TPRG1: variants seen among roughly 807,000 people sequenced by gnomAD.
TPRG1 encodes the protein tumor protein p63 regulated 1, also known as tumor protein p63-regulated gene 1 protein.
In TPRG1, 29 loss-of-function variants were observed where a neutral mutation model predicts 29.3. The ratio of observed to expected loss-of-function variants is 0.99; its 90% CI spans 0.74 to 1.35. The LOEUF (loss-of-function observed/expected upper bound fraction) is 1.35. TPRG1 is among the 40% of genes most tolerant of loss of function. TPRG1 has a pLI of 0.00. For synonymous variants in TPRG1, 130 were observed against 116.8 expected (o/e 1.11, Z -0.73); for missense variants, 327 against 335.0 (o/e 0.98, Z 0.19).
intron 4 of TPRG1, among the ~76,000 whole-genome samples, chr3:189,066,203 G>A (rs908427603): frequency 2.0e-5 from 3 of 152,040 alleles, no homozygotes; most frequent in African/African-American, 7.2e-5. Flanking sequence ...GAAACCCTGG[G>A]ACCCAATTGC....
rs112594506 is a variant in TPRG1 at position 189,315,425 on chromosome 3, C to G, written c.633+4886C>G. The stretch of plus-strand genomic sequence containing the variant: ...CTCAATTATCCTCAATTATTTCATC[C>G]ACTTTGTATTTGCAACTTATAGCCT... On this transcript the variant is annotated intron_variant, in intron 5 of 5. Coordinates refer to ENST00000345063, the MANE Select transcript of TPRG1 (RefSeq NM_198485.4). The G allele has an allele frequency of 7.1e-4, 308 of 436,168 alleles. 1 individual carries two copies. Among genetic ancestry groups the G allele is most frequent in the African/African-American group, 4.8e-3 (237 of 48,870 alleles). The allele number at this position is 436,168 out of a possible 1,614,324, so 27.0% of individuals were successfully genotyped here.
intron 4 of TPRG1, among the ~76,000 whole-genome samples, chr3:189,041,709 A>G (rs1413273073): frequency 6.6e-6 from 1 of 152,068 alleles, no homozygotes. Flanking sequence ...AGAGAATGTG[A>G]TTTCTTTTTG....
chr3:189,299,408 ACT>A (rs1720480872), intron 4 of TPRG1, among the ~76,000 whole-genome samples: 1 of 151,916 alleles, frequency 6.6e-6, no homozygotes, highest in Non-Finnish European at 1.5e-5. Flanking sequence ...CAAACGTATA[ACT>A]CTTTCTATCC....
chr3:189,023,889 G>A (rs1319438490), exon 4 of TPRG1: 1 of 152,298 alleles, frequency 6.6e-6, no homozygotes, highest in Non-Finnish European at 1.5e-5. Context: ...TCCTAGGGGT[G>A]TACAGAACTG....
intron 1 of TPRG1, among the ~76,000 whole-genome samples, chr3:189,110,433 C>G (rs1482588988): frequency 2.0e-5 from 3 of 151,902 alleles, no homozygotes; most frequent in Non-Finnish European, 4.4e-5. Context: ...TTTTTCTATT[C>G]TGGTTACAAG....
chr3:189,238,653 G>A, intron 3 of TPRG1, 80 bp from the exon 4 acceptor site: 1 of 1,249,130 alleles, frequency 8.0e-7, no homozygotes, highest in Non-Finnish European at 1.1e-6. Context: ...ACTGTTTTCT[G>A]TGCTAGGAGA....
At chr3:189,302,416 CTTAAA>C (rs1338339213) in intron 4 of TPRG1, among the ~76,000 whole-genome samples, 1 of 152,152 alleles carries the variant, frequency 6.6e-6, no homozygotes, top group Non-Finnish European at 1.5e-5. Flanking sequence ...AATGTTCCCA[CTTAAA>C]TTAATTATTC....
At chr3:189,020,394 C>G (rs1359529883) in intron 3 of TPRG1, among the ~76,000 whole-genome samples, 1 of 152,036 alleles carries the variant, frequency 6.6e-6, no homozygotes, top group Non-Finnish European at 1.5e-5. Context: ...CCTCTACACA[C>G]TGCTTGAATG....
chr3:189,116,558 C>T lies in TPRG1; in HGVS notation c.-743-10499C>T, dbSNP rs150108540. 5.6e-4 allele frequency among the ~76,000 whole-genome samples: 85 copies of T among 152,212 alleles called. No homozygotes were observed. In the East Asian group the frequency reaches 0.014, roughly 25 times the overall value. On this transcript the variant is annotated intron_variant, in intron 1 of 6. Coordinates refer to the TPRG1 transcript ENST00000412373. ...GTAGAAGTAATCCAGTGTTCATTGA[C>T]AGATAAACAATATGTAGTATGCATG...
At chr3:189,266,990 G>T (rs1232939555) in intron 4 of TPRG1, among the ~76,000 whole-genome samples, 1 of 152,012 alleles carries the variant, frequency 6.6e-6, no homozygotes, top group Non-Finnish European at 1.5e-5. Context: ...GAGGACAATG[G>T]TCTAGTTGTC....
At chr3:189,021,856 C>G in intron 3 of TPRG1, among the ~76,000 whole-genome samples, 1 of 152,184 alleles carries the variant, frequency 6.6e-6, no homozygotes, top group Non-Finnish European at 1.5e-5. Flanking sequence ...CTCCCCATCA[C>G]TTTCAGGTAC....
chr3:189,187,651 G>A (rs533567471), intron 1 of TPRG1, among the ~76,000 whole-genome samples: 72 of 151,510 alleles, frequency 4.8e-4, no homozygotes, highest in African/African-American at 1.7e-3. Flanking sequence ...TAAGATGTGT[G>A]GATCTACTTG....
At chr3:189,018,641 G>A (rs1227683976) in intron 3 of TPRG1, among the ~76,000 whole-genome samples, 1 of 150,604 alleles carries the variant, frequency 6.6e-6, no homozygotes, top group Non-Finnish European at 1.5e-5. Context: ...TAGCCTTGTA[G>A]TATAGTTTGA....
At chr3:189,290,272 T>G (rs1355660803) in intron 4 of TPRG1, among the ~76,000 whole-genome samples, 2 of 152,222 alleles carry the variant, frequency 1.3e-5, no homozygotes, top group African/African-American at 2.4e-5. Flanking sequence ...CCCATATATG[T>G]CCCATCCTTC....
intron 4 of TPRG1, among the ~76,000 whole-genome samples, chr3:189,253,504 T>A (rs535709963): frequency 6.6e-6 from 1 of 152,342 alleles, no homozygotes; most frequent in Non-Finnish European, 1.5e-5. Flanking sequence ...CTGTCATTGA[T>A]GGGCATTTGG....
chr3:189,147,667 C>T (rs1348208804), intron 4 of TPRG1: 1 of 152,218 alleles, frequency 6.6e-6, no homozygotes, highest in Non-Finnish European at 1.5e-5. Context: ...CTAGGGCGTA[C>T]CTCTAAGTTC....
chr3:189,019,545 C>G (rs1301996448), intron 3 of TPRG1, among the ~76,000 whole-genome samples: 1 of 152,130 alleles, frequency 6.6e-6, no homozygotes, highest in African/African-American at 2.4e-5. Context: ...TACTGATTTG[C>G]GTGTATTGAA....
At chr3:189,251,496 G>A (rs563421161) in intron 4 of TPRG1, among the ~76,000 whole-genome samples, 21 of 152,060 alleles carry the variant, frequency 1.4e-4, no homozygotes, top group South Asian at 6.2e-4. Context: ...GGGGACCAGC[G>A]TTCAGCATAC....
chr3:189,086,942 T>C (rs1262142776), intron 4 of TPRG1, among the ~76,000 whole-genome samples: 1 of 152,200 alleles, frequency 6.6e-6, no homozygotes, highest in African/African-American at 2.4e-5. Context: ...GTCTTTGCTG[T>C]TGTGAATAGT....
Sources: allele counts gnomAD v4.1 joint callset (sites outside exome capture counted in the v4.1 genomes callset), GRCh38; gene constraint gnomAD v4.1.1; transcripts MANE v1.5; gene names NCBI Gene and HGNC (gene_info 2026-07-23, HGNC 2026-07-21).